The following ANKS1B variants were observed in gnomAD, a reference collection of about 807,000 sequenced individuals.
ANKS1B encodes ankyrin repeat and sterile alpha motif domain-containing protein 1B.
In ANKS1B, 36 loss-of-function variants were observed where a neutral mutation model predicts 148.3. The observed-to-expected ratio is 0.24, with a 90% CI of 0.19 to 0.32. The LOEUF (loss-of-function observed/expected upper bound fraction) is 0.32, where lower values mean the gene tolerates loss of function less well. Among genes scored for constraint, ANKS1B ranks in the 10% least tolerant of loss-of-function variants. The probability of loss-of-function intolerance (pLI) is 1.00; values close to 1 mark genes in which losing one functional copy is unlikely to be tolerated. For synonymous variants in ANKS1B, 542 were observed against 560.8 expected (o/e 0.97, Z 0.47); for missense variants, 1,157 against 1,542.6 (o/e 0.75, Z 4.19).
intron 1 of ANKS1B, among the ~76,000 whole-genome samples, chr12:99,940,490 C>T (rs1303915611): frequency 3.3e-5 from 5 of 152,102 alleles, no homozygotes; most frequent in Non-Finnish European, 7.4e-5. Context: ...CCTCTATTCG[C>T]TCCTATCAGG....
At chr12:99,358,292 A>T (rs188303800) in intron 12 of ANKS1B, among the ~76,000 whole-genome samples, 1 of 152,230 alleles carries the variant, frequency 6.6e-6, no homozygotes, top group Admixed American at 6.5e-5. Context: ...CCCATACTTC[A>T]TTCAATGTTA....
At chr12:99,165,842 T>C (rs1212932538) in intron 14 of ANKS1B, among the ~76,000 whole-genome samples, 4 of 151,910 alleles carry the variant, frequency 2.6e-5, no homozygotes, top group Non-Finnish European at 4.4e-5. Context: ...AAACTATATG[T>C]ATTAGTGTCT....
chr12:99,413,612 A>AT (rs1403824409), intron 11 of ANKS1B, among the ~76,000 whole-genome samples: 3 of 152,240 alleles, frequency 2.0e-5, no homozygotes, highest in Non-Finnish European at 2.9e-5. Context: ...CAGTCACTAC[A>AT]TTTTTTATAA....
intron 1 of ANKS1B, among the ~76,000 whole-genome samples, chr12:99,864,649 C>A (rs1018623453): frequency 4.6e-5 from 7 of 152,182 alleles, no homozygotes; most frequent in African/African-American, 1.2e-4. Context: ...TCAGATTCTG[C>A]AATTGCCAGC....
At chr12:99,673,988 T>C (rs2098550350) in intron 8 of ANKS1B, among the ~76,000 whole-genome samples, 1 of 151,488 alleles carries the variant, frequency 6.6e-6, no homozygotes, top group Non-Finnish European at 1.5e-5. Context: ...TTCTAGAATA[T>C]ACAACAGGAA....
chr12:98,849,235 T>A (rs934321114), intron 17 of ANKS1B, among the ~76,000 whole-genome samples: 2 of 152,164 alleles, frequency 1.3e-5, no homozygotes, highest in Non-Finnish European at 2.9e-5. Flanking sequence ...GCATTTCTTT[T>A]TTTTTTTTAT....
chr12:99,945,693 G>C (rs1051501470), intron 1 of ANKS1B, among the ~76,000 whole-genome samples: 1 of 152,176 alleles, frequency 6.6e-6, no homozygotes, highest in African/African-American at 2.4e-5. Flanking sequence ...AGGCAGCAAG[G>C]CAAAGCAGCT....
intron 9 of ANKS1B, among the ~76,000 whole-genome samples, chr12:99,587,862 T>A (rs895776677): frequency 6.6e-6 from 1 of 152,044 alleles, no homozygotes; most frequent in Admixed American, 6.6e-5. Flanking sequence ...TTGGGGTGAA[T>A]ATCAACATGG....
chr12:98,892,898 A>G (rs2099755629), intron 17 of ANKS1B, among the ~76,000 whole-genome samples: 1 of 152,172 alleles, frequency 6.6e-6, no homozygotes, highest in Non-Finnish European at 1.5e-5. Context: ...GGCTTAAGAA[A>G]AAAATATTGC....
chr12:99,645,565 C>A (rs1396343082), intron 9 of ANKS1B, among the ~76,000 whole-genome samples: 1 of 152,036 alleles, frequency 6.6e-6, no homozygotes, highest in Non-Finnish European at 1.5e-5. Context: ...TAAACTCCAA[C>A]AGAGAGGAGA....
chr12:99,013,910 A>T (rs2099940903), intron 17 of ANKS1B, among the ~76,000 whole-genome samples: 1 of 152,208 alleles, frequency 6.6e-6, no homozygotes, highest in Non-Finnish European at 1.5e-5. Context: ...CATGGATAGG[A>T]AGAATCAATA....
intron 4 of ANKS1B, 64 bp from the exon 5 acceptor site, chr12:99,782,161 T>A: frequency 1.5e-6 from 2 of 1,301,182 alleles, no homozygotes; most frequent in Non-Finnish European, 2.1e-6. Flanking sequence ...CAGGTTGAAA[T>A]AAAATGCTCA....
intron 1 of ANKS1B, among the ~76,000 whole-genome samples, chr12:99,915,151 C>T (rs61941560): frequency 0.2 from 29,197 of 146,994 alleles, 3,053 homozygotes; most frequent in Middle Eastern, 0.24. Context: ...CTTGAACTCG[C>T]GAGGCGGAGG....
intron 12 of ANKS1B, among the ~76,000 whole-genome samples, chr12:99,386,049 C>T (rs1011959043): frequency 2.0e-4 from 30 of 152,122 alleles, no homozygotes; most frequent in African/African-American, 7.0e-4. Flanking sequence ...CCTGATTATC[C>T]GAGTTAATAA....
chr12:99,145,139 G>A (rs938427635), intron 15 of ANKS1B, among the ~76,000 whole-genome samples: 4 of 152,094 alleles, frequency 2.6e-5, no homozygotes, highest in Non-Finnish European at 5.9e-5. Flanking sequence ...TATGTACAAG[G>A]TGTCATGGGA....
intron 1 of ANKS1B, among the ~76,000 whole-genome samples, chr12:99,948,022 C>T (rs1269983768): frequency 6.6e-6 from 1 of 152,164 alleles, no homozygotes; most frequent in Admixed American, 6.5e-5. Flanking sequence ...CTGTATTAGA[C>T]CCAGATAACC....
chr12:99,021,101 T>TC (rs1455372262), intron 17 of ANKS1B, among the ~76,000 whole-genome samples: 1 of 152,042 alleles, frequency 6.6e-6, no homozygotes, highest in Non-Finnish European at 1.5e-5. Context: ...TTTGCAGATG[T>TC]CAAAACTGAA....
At chr12:99,298,404 T>G (rs1476649349) in intron 12 of ANKS1B, among the ~76,000 whole-genome samples, 1 of 152,156 alleles carries the variant, frequency 6.6e-6, no homozygotes, top group African/African-American at 2.4e-5. Context: ...CCCCAACACA[T>G]GTCCTCTTGT....
At chr12:99,784,164 CTTTCT>C in intron 4 of ANKS1B, among the ~76,000 whole-genome samples, 1 of 143,066 alleles carries the variant, frequency 7.0e-6, no homozygotes, top group East Asian at 2.1e-4. Flanking sequence ...GCATACTGAA[CTTTCT>C]TTTTTTTTTT....
Sources: gnomAD v4.1 joint callset for allele counts (sites outside exome capture counted in the v4.1 genomes callset) on GRCh38, gnomAD v4.1.1 for gene constraint, MANE v1.5 for transcripts, NCBI Gene and HGNC (gene_info 2026-07-23, HGNC 2026-07-21) for gene names.